Variants in RCAN1 observed in about 807,000 individuals in gnomAD.
The protein encoded by RCAN1 is regulator of calcineurin 1.
RCAN1 carries 11 observed loss-of-function variants against 22.9 expected under a neutral mutation model. The ratio of observed to expected loss-of-function variants is 0.48; its 90% confidence interval spans 0.30 to 0.79. RCAN1 has a LOEUF of 0.79. Among genes scored for constraint, RCAN1 ranks in the 30% least tolerant of loss-of-function variants. The probability of loss-of-function intolerance (pLI) is 0.06; values close to 1 mark genes in which losing one functional copy is unlikely to be tolerated. For synonymous variants in RCAN1, 136 were observed against 142.3 expected, an observed-to-expected ratio of 0.96 and a Z score of 0.32; for missense variants, 291 against 337.8, an observed-to-expected ratio of 0.86 and a Z score of 1.09.
In RCAN1 at chr21:34,613,888, CT is replaced by C. The variant is rs1364051823; in HGVS notation, c.252+871del. On this transcript the variant is annotated intron_variant, in intron 1 of 3. Transcript: ENST00000313806. ...CCACAGCCAAGCGCTGAAAGCACTGCTTTTTTTGACAGCTGCTCTCCTAATG... is the reference window on the plus strand; with the variant it reads ...CCACAGCCAAGCGCTGAAAGCACTGCTTTTTTGACAGCTGCTCTCCTAATG... The C allele has an allele frequency of 3.4e-5, 47 of 1,381,382 alleles. No homozygotes were observed. In the Middle Eastern group the frequency reaches 5.6e-4, roughly 16 times the overall value. The allele number at this position is 1,381,382 out of a possible 1,614,324, so 85.6% of individuals were successfully genotyped here.
At chr21:34,604,350 T>A (rs1240620648) in intron 1 of RCAN1, among the ~76,000 whole-genome samples, 1 of 152,174 alleles carries the variant, frequency 6.6e-6, no homozygotes, top group African/African-American at 2.4e-5. Context: ...CAGGCTGGTC[T>A]TCAACTCCTG....
chr21:34,521,252 G>T (rs1265316489), intron 3 of RCAN1: 4 of 1,434,300 alleles, frequency 2.8e-6, no homozygotes, highest in East Asian at 2.5e-5. Flanking sequence ...GGGACACTGC[G>T]GGGGGTGGAG....
intron 1 of RCAN1, among the ~76,000 whole-genome samples, chr21:34,612,567 C>T (rs1384767419): frequency 1.3e-5 from 2 of 152,232 alleles, no homozygotes; most frequent in African/African-American, 4.8e-5. Context: ...CTTCTGTGGG[C>T]CCTGAAAGGA....
At chr21:34,535,401 CT>C (rs35170628) in intron 1 of RCAN1, among the ~76,000 whole-genome samples, 142 of 146,250 alleles carry the variant, frequency 9.7e-4, no homozygotes, top group Middle Eastern at 3.5e-3. Context: ...AACACATAAC[CT>C]TTTTTTTTTT....
At chr21:34,528,461 A>G (rs2243890) in intron 1 of RCAN1, among the ~76,000 whole-genome samples, 51,666 of 152,162 alleles carry the variant, frequency 0.34, 9,198 homozygotes, top group Non-Finnish European at 0.38. Flanking sequence ...ATACTGAACA[A>G]TGCAACATGC....
intron 1 of RCAN1, among the ~76,000 whole-genome samples, chr21:34,592,855 T>C (rs1988020332): frequency 6.6e-6 from 1 of 152,180 alleles, no homozygotes; most frequent in African/African-American, 2.4e-5. Context: ...AAAACCTCAA[T>C]GGCTTTACTT....
rs1402786333 is a variant in RCAN1 at position 34,518,706 on chromosome 21, C to A, written c.587-450G>T. Among the ~76,000 whole-genome samples the A allele has an allele frequency of 1.3e-5, 2 of 152,220 alleles. No homozygotes were observed. Among genetic ancestry groups the A allele is most frequent in the African/African-American group, 4.8e-5 (2 of 41,460 alleles). ...CCTATTTGAGGGTCGCAGTGCACGC[C>A]CAGGAAGGGCGCCACAGGAGGCCCT... On this transcript the variant is annotated intron_variant, in intron 3 of 3. Coordinates refer to ENST00000313806, the MANE Select transcript of RCAN1 (RefSeq NM_004414.7). This position sits in a 1 kb window ranked among gnomAD's most constrained non-coding sequence, Gnocchi z 4.2.
At position 34,521,545 on chromosome 21, in the gene RCAN1, T is replaced by C. The variant is rs1165053335; in HGVS notation, c.540A>G (p.Pro180=). 1.9e-6 allele frequency: 3 copies of C among 1,614,196 alleles called. No homozygotes were observed. The highest frequency in any genetic ancestry group is 4.5e-5 in the East Asian group (2 of 44,876). ...VGWKQVEDAT[P]VINYDLLYAI... is the part of the protein sequence containing the mutation. ...CATATAAGAGATCATAGTTTATGAC[T>C]GGGGTCGCATCTTCCACTTGTTTCC... is the stretch of plus-strand genomic sequence containing the variant. The change falls in exon 3 of 4, where the codon CCA becomes CCG. Residue 180 remains proline (P), a synonymous_variant. Coordinates refer to ENST00000313806, the MANE Select transcript of RCAN1 (RefSeq NM_004414.7).
At chr21:34,599,699 G>A (rs1378537755) in intron 1 of RCAN1, among the ~76,000 whole-genome samples, 1 of 152,100 alleles carries the variant, frequency 6.6e-6, no homozygotes, top group Non-Finnish European at 1.5e-5. Flanking sequence ...GAGAGAAGAT[G>A]GGATACCAAC....
chr21:34,599,776 T>TA (rs998558177), intron 1 of RCAN1, among the ~76,000 whole-genome samples: 1 of 152,106 alleles, frequency 6.6e-6, no homozygotes, highest in Non-Finnish European at 1.5e-5. Flanking sequence ...TAGTTGGTCA[T>TA]AAAAAAATCA....
At chr21:34,530,628 T>TGTTTGTTTTGTTG (rs57553232) in intron 1 of RCAN1, among the ~76,000 whole-genome samples, 31 of 136,678 alleles carry the variant, frequency 2.3e-4, no homozygotes, top group Middle Eastern at 3.5e-3. Flanking sequence ...TTTTTTTTTT[T>TGTTTGTTTTGTTG]TTTTTTTTTT....
At chr21:34,525,280 G>A in intron 1 of RCAN1, 3 of 1,550,442 alleles carry the variant, frequency 1.9e-6, no homozygotes, top group Non-Finnish European at 2.6e-6. Flanking sequence ...GGAGCAGTCG[G>A]AACAACCTAC....
At chr21:34,595,913 C>T (rs142633724) in intron 1 of RCAN1, among the ~76,000 whole-genome samples, 2 of 152,364 alleles carry the variant, frequency 1.3e-5, no homozygotes, top group Non-Finnish European at 2.9e-5. Context: ...CCACACAGTC[C>T]ATCTACGCAG....
intron 1 of RCAN1, among the ~76,000 whole-genome samples, chr21:34,610,779 G>A (rs1346205856): frequency 1.4e-4 from 22 of 152,104 alleles, no homozygotes; most frequent in Non-Finnish European, 3.2e-4. Flanking sequence ...ACTGCTCAAA[G>A]GTCTCTACTC....
chr21:34,520,692 C>T (rs1984446408), intron 3 of RCAN1, among the ~76,000 whole-genome samples: 1 of 152,136 alleles, frequency 6.6e-6, no homozygotes, highest in African/African-American at 2.4e-5. Context: ...CAAGACTCTC[C>T]CTCACACCTG....
chr21:34,538,245 G>T (rs59539884), intron 1 of RCAN1, among the ~76,000 whole-genome samples: 13,514 of 152,220 alleles, frequency 0.089, 942 homozygotes, highest in African/African-American at 0.19. Flanking sequence ...TTTCTTAAAA[G>T]ATCATTCGGA....
intron 1 of RCAN1, among the ~76,000 whole-genome samples, chr21:34,585,742 C>CAAAA (rs59014706): frequency 5.2e-4 from 24 of 45,920 alleles, no homozygotes; most frequent in South Asian, 1.0e-3. Context: ...GACTCCATCT[C>CAAAA]AAAAAAAAAA....
In RCAN1 at chr21:34,614,488, A is replaced by C; in HGVS notation, c.252+272T>G. Reference sequence around the variant, plus strand: ...CCTTGGGGAGCGAATTCACCCCCCTAGTCGCACCAGCCTGGGCGCACACGG... The same window carrying C: ...CCTTGGGGAGCGAATTCACCCCCCTCGTCGCACCAGCCTGGGCGCACACGG... On this transcript the variant is annotated intron_variant, in intron 1 of 3. Coordinates refer to ENST00000313806, the MANE Select transcript of RCAN1 (RefSeq NM_004414.7). This position sits in a 1 kb window ranked among gnomAD's most constrained non-coding sequence, Gnocchi z 6.0. The C allele has an allele frequency of 9.7e-7, 1 of 1,031,902 alleles. No individual in the cohort carries two copies. The highest frequency in any genetic ancestry group is 1.2e-6 in the Non-Finnish European group (1 of 861,016). The allele number at this position is 1,031,902 out of a possible 1,614,324, so 63.9% of individuals were successfully genotyped here.
intron 1 of RCAN1, among the ~76,000 whole-genome samples, chr21:34,533,053 C>A (rs898435915): frequency 2.6e-5 from 4 of 151,638 alleles, no homozygotes; most frequent in African/African-American, 9.7e-5. Flanking sequence ...CTCCGCCTCC[C>A]GGGTTCACGC....
Sources: gnomAD v4.1 joint callset for allele counts (sites outside exome capture counted in the v4.1 genomes callset) on GRCh38, gnomAD v4.1.1 for gene constraint, Gnocchi (gnomAD v3.1) non-coding constraint, MANE v1.5 for transcripts, NCBI Gene and HGNC (gene_info 2026-07-23, HGNC 2026-07-21) for gene names.